Variants in ARID4B observed in about 807,000 individuals in gnomAD.
ARID4B encodes AT-rich interaction domain 4B.
A neutral mutation model predicts 147.5 loss-of-function variants in ARID4B; 26 were observed. The observed-to-expected ratio is 0.18, with a 90% CI of 0.13 to 0.24. ARID4B has a LOEUF of 0.24. Ranked by LOEUF, ARID4B falls within the 10% of genes least tolerant of loss-of-function variation. The pLI is 1.00. For missense variants in ARID4B, 1,179 were observed against 1,511.5 expected, an observed-to-expected ratio of 0.78 and a Z score of 3.65; for synonymous variants, 512 against 507.9, an observed-to-expected ratio of 1.01 and a Z score of -0.11.
At chr1:235,249,445 G>A (rs573480823) in intron 6 of ARID4B, among the ~76,000 whole-genome samples, 3 of 152,204 alleles carry the variant, frequency 2.0e-5, no homozygotes, top group African/African-American at 7.2e-5. Context: ...TTAGGCAGCA[G>A]GTAACATACT....
intron 17 of ARID4B, among the ~76,000 whole-genome samples, chr1:235,201,135 A>ACT: frequency 2.0e-5 from 3 of 152,052 alleles, no homozygotes; most frequent in Admixed American, 2.0e-4. Context: ...ACACAGCGAG[A>ACT]CTCTGTCTCC....
rs750579302 is a variant in ARID4B at position 235,196,133 on chromosome 1, T to C, written c.1842-18A>G. On this transcript the variant is annotated intron_variant, in intron 17 of 23. Coordinates refer to ENST00000264183, the MANE Select transcript of ARID4B (RefSeq NM_016374.6). ...CATCGTATCTAAAATTAAAGGAAAT[T>C]AATATAAATATGTACAATATATACC... is the stretch of plus-strand genomic sequence containing the variant. 2.3e-6 allele frequency: 3 copies of C among 1,303,018 alleles called. 1 individual carries two copies. The Admixed American group carries it at 6.2e-5, about 27-fold the overall frequency. The allele number at this position is 1,303,018 out of a possible 1,614,324, so 80.7% of individuals were successfully genotyped here. A position where few individuals can be genotyped will look rare whatever the true frequency, so the allele number is the denominator to read the frequency against.
chr1:235,294,616 A>T (rs1202205358), intron 2 of ARID4B, among the ~76,000 whole-genome samples: 1 of 137,924 alleles, frequency 7.3e-6, no homozygotes, highest in Non-Finnish European at 1.6e-5. Context: ...CTCCCGCTTG[A>T]ACCCAGGGGT....
intron 2 of ARID4B, among the ~76,000 whole-genome samples, chr1:235,326,287 T>C (rs1675254973): frequency 6.6e-6 from 1 of 152,150 alleles, no homozygotes; most frequent in Admixed American, 6.5e-5. Flanking sequence ...TATTGACATC[T>C]AAGAGGAACC....
chr1:235,231,001 C>T, intron 10 of ARID4B, 112 bp downstream of exon 10: 1 of 705,504 alleles, frequency 1.4e-6, no homozygotes, highest in Non-Finnish European at 2.4e-6. Flanking sequence ...CCAAATATAA[C>T]CATAAAAACA....
chr1:235,229,180 A>T, intron 11 of ARID4B, 51 bp downstream of exon 11: 1 of 1,577,032 alleles, frequency 6.3e-7, no homozygotes, highest in Non-Finnish European at 8.6e-7. Context: ...CCCACAAGGG[A>T]AACCCAACTG....
At position 235,220,455 on chromosome 1, in the gene ARID4B, C is replaced by T. The variant is rs755361671; in HGVS notation, c.1254G>A (p.Lys418=). Residue 418 remains lysine, a synonymous_variant, in exon 15 of 24, where the codon AAG becomes AAA. Coordinates refer to ENST00000264183, the MANE Select transcript of ARID4B (RefSeq NM_016374.6). The stretch of plus-strand genomic sequence containing the variant: ...TTATTTCTTTTACATTTTCACACTC[C>T]TTACATTGCTTGTTAACAACTTTCT... The part of the protein sequence containing the change: ...LPEKVVNKQC[K]ECENVKEIKV... 4.3e-6 allele frequency: 7 copies of T among 1,612,674 alleles called. No individual in the cohort carries two copies. The highest frequency in any genetic ancestry group is 1.1e-5 in the South Asian group (1 of 91,014).
chr1:235,173,699 T>C (rs1212340866), intron 22 of ARID4B, among the ~76,000 whole-genome samples: 4 of 118,580 alleles, frequency 3.4e-5, no homozygotes, highest in African/African-American at 6.4e-5. Context: ...AGCTCAGGAG[T>C]TCAAGATTAG....
Position 235,277,007 on chromosome 1 carries a change from A to T in ARID4B, c.7-16255T>A, listed in dbSNP as rs1439836970. ...GAGCAAAACACCATCTCCGAAAAAA[A>T]AAAAAAAAAGATATGTTCTGGCAAT... On this transcript the variant is annotated intron_variant, in intron 2 of 23. Transcript: ENST00000264183. Among the ~76,000 whole-genome samples the T allele has an allele frequency of 4.6e-5, 7 of 152,012 alleles. No individual in the cohort carries two copies. In the East Asian group the frequency reaches 1.3e-3, roughly 29 times the overall value.
intron 16 of ARID4B, among the ~76,000 whole-genome samples, chr1:235,215,373 C>T (rs1221407867): frequency 6.6e-6 from 1 of 152,012 alleles, no homozygotes; most frequent in African/African-American, 2.4e-5. Flanking sequence ...GACTCCATCA[C>T]TTTAGGGCTC....
At position 235,319,123 on chromosome 1, in the gene ARID4B, T is replaced by C. The variant is rs180943647; in HGVS notation, c.6+7791A>G. ...AGGTAACACAGCAAGACCTCATCTC[T>C]AAAAAAACAAACAAAAGAAATTAAC... is the stretch of plus-strand genomic sequence containing the variant. On this transcript the variant is annotated intron_variant, in intron 2 of 23. Coordinates refer to ENST00000264183, the MANE Select transcript of ARID4B (RefSeq NM_016374.6). Among the ~76,000 whole-genome samples, 274 of 152,158 alleles carry C rather than the reference T, an allele frequency of 1.8e-3. 1 individual carries two copies. Among genetic ancestry groups the C allele is most frequent in the African/African-American group, 6.4e-3 (267 of 41,534 alleles).
rs1571875706 is a variant in ARID4B at position 235,167,629 on chromosome 1, TA to T, written c.*895del. 1 of 210,200 alleles carries T rather than the reference TA, an allele frequency of 4.8e-6. No homozygotes were observed. The highest frequency in any genetic ancestry group is 2.3e-5 in the African/African-American group (1 of 44,080). 13.0% of individuals were successfully genotyped at this position (210,200 alleles called of 1,614,324 possible). A position where few individuals can be genotyped will look rare whatever the true frequency, so the allele number is the denominator to read the frequency against. Reference sequence around the variant, plus strand: ...GAAGTCCTTTTGTTGTAGCTCATAATAAAATAAGCAATACAAATGAATTATC... The same window carrying T: ...GAAGTCCTTTTGTTGTAGCTCATAATAAATAAGCAATACAAATGAATTATC... On this transcript the variant is annotated 3_prime_UTR_variant, in exon 24 of 24. Transcript: ENST00000264183.
At position 235,231,104 on chromosome 1, in the gene ARID4B, T is replaced by A. The variant is rs1337747506; in HGVS notation, c.742+9A>T. 1 of 1,547,352 alleles carries A rather than the reference T, an allele frequency of 6.5e-7. No individual in the cohort carries two copies. The highest frequency in any genetic ancestry group is 2.0e-5 in the Admixed American group (1 of 49,568). The stretch of plus-strand genomic sequence containing the variant: ...CAGTACTTGTAATTTATTCCAAGAT[T>A]ATCCTTACCTTGCTTTAAAACAGCA... On this transcript the variant is annotated intron_variant, in intron 10 of 23. Transcript: ENST00000264183.
intron 2 of ARID4B, among the ~76,000 whole-genome samples, chr1:235,295,246 A>C (rs1018346134): frequency 6.6e-6 from 1 of 152,204 alleles, no homozygotes; most frequent in African/African-American, 2.4e-5. Flanking sequence ...ATAGTGGCTC[A>C]CGCCTGTAAT....
Position 235,169,756 on chromosome 1 carries a change from G to C in ARID4B, c.3812-1104C>G, listed in dbSNP as rs184318587. On this transcript the variant is annotated intron_variant, in intron 23 of 23. Coordinates refer to ENST00000264183, the MANE Select transcript of ARID4B (RefSeq NM_016374.6). ...AGCTCACTGCAACCTTTGCCTCCTG[G>C]GTTCAAGCAATTTTCCTGTCTCAGC... 4.9e-4 allele frequency among the ~76,000 whole-genome samples: 74 copies of C among 151,854 alleles called. No homozygotes were observed. The East Asian group carries it at 7.7e-3, about 16-fold the overall frequency.
chr1:235,229,034 T>C (rs1668033780), intron 11 of ARID4B, 197 bp downstream of exon 11: 1 of 603,774 alleles, frequency 1.7e-6, no homozygotes, highest in African/African-American at 1.9e-5. Context: ...AGGCTTAATA[T>C]TTTCTATTTC....
chr1:235,241,566 T>G (rs1668983325), intron 7 of ARID4B, among the ~76,000 whole-genome samples: 1 of 152,218 alleles, frequency 6.6e-6, no homozygotes. Context: ...GTTGCCGGGC[T>G]GGAGTGCAGT....
chr1:235,235,399 T>G (rs1668487837), intron 8 of ARID4B, among the ~76,000 whole-genome samples: 1 of 152,178 alleles, frequency 6.6e-6, no homozygotes, highest in African/African-American at 2.4e-5. Context: ...GGTCTAAAAC[T>G]TGGGGCTTGT....
chr1:235,269,231 T>C (rs1572118712), intron 2 of ARID4B, among the ~76,000 whole-genome samples: 1 of 152,218 alleles, frequency 6.6e-6, no homozygotes, highest in South Asian at 2.1e-4. Flanking sequence ...TACTAAAATG[T>C]TAATAACTGT....
Sources: allele counts gnomAD v4.1 joint callset (sites outside exome capture counted in the v4.1 genomes callset), GRCh38; gene constraint gnomAD v4.1.1; transcripts MANE v1.5; gene names NCBI Gene and HGNC (gene_info 2026-07-23, HGNC 2026-07-21).